The following PACS2 variants were observed in gnomAD, a reference collection of about 807,000 sequenced individuals.
PACS2 encodes PACS1-like protein.
Under a neutral mutation model 113.0 loss-of-function variants are expected in PACS2, and 36 were observed. The ratio of observed to expected loss-of-function variants is 0.32; its 90% CI spans 0.24 to 0.42. The LOEUF (loss-of-function observed/expected upper bound fraction) is 0.42, where lower values mean the gene tolerates loss of function less well. Among genes scored for constraint, PACS2 ranks in the 10% least tolerant of loss-of-function variants. PACS2 has a pLI of 1.00. For missense variants in PACS2, 1,015 were observed against 1,239.5 expected (o/e 0.82, Z 2.72); for synonymous variants, 589 against 536.1 (o/e 1.10, Z -1.36).
rs587721625 is a variant in PACS2, at chr14:105,358,376, T to G, written c.423+3199T>G. On this transcript the variant is annotated intron_variant, in intron 4 of 24. Transcript: ENST00000447393. The surrounding 1 kb of genome is among the most constrained non-coding windows in gnomAD (Gnocchi z 4.9). ...CACTTCTCAGGAAGCTTGAGCTGAC[T>G]GCAGGTGGTCCCTCTCAGAGGCAGC... Among the ~76,000 whole-genome samples, 121 of 152,342 alleles carry G rather than the reference T, an allele frequency of 7.9e-4. No individual in the cohort carries two copies. The highest frequency in any genetic ancestry group is 1.4e-3 in the Non-Finnish European group (97 of 68,022).
chr14:105,389,416 C>T (rs1423055972), intron 19 of PACS2: 1 of 161,038 alleles, frequency 6.2e-6, no homozygotes, highest in African/African-American at 2.4e-5. Context: ...CAGCCAAAGC[C>T]TGGCCTCTTA....
rs1427142363 is a variant in PACS2 at position 105,315,112 on chromosome 14, C to G, written c.119+75C>G. 3.2e-6 allele frequency: 3 copies of G among 926,736 alleles called. No homozygotes were observed. Among genetic ancestry groups the G allele is most frequent in the Non-Finnish European group, 1.3e-6 (1 of 763,944 alleles). 57.4% of individuals were successfully genotyped at this position (926,736 alleles called of 1,614,324 possible). A position where few individuals can be genotyped will look rare whatever the true frequency, so the allele number is the denominator to read the frequency against. ...GTCCTGGCCGCGGCCTCTGCGCGCC[C>G]CATCCCCGGCCCGGGTCCCCCAGCG... On this transcript the variant is annotated intron_variant, in intron 1 of 24. Transcript: ENST00000447393. The surrounding 1 kb of genome is among the most constrained non-coding windows in gnomAD (Gnocchi z 4.4).
rs189215512 is a variant in PACS2 at position 105,323,690 on chromosome 14, G to A, written c.119+8653G>A. ...GCCTCAGGGTGTGCAGGTGGAGATG[G>A]GTGGGAGGTGTCGTGCAGGGCTTGG... On this transcript the variant is annotated intron_variant, in intron 1 of 24. Transcript: ENST00000447393. The surrounding 1 kb of genome is among the most constrained non-coding windows in gnomAD (Gnocchi z 4.1). Among the ~76,000 whole-genome samples, 7 of 152,324 alleles carry A rather than the reference G, an allele frequency of 4.6e-5. No homozygotes were observed. Among genetic ancestry groups the A allele is most frequent in the Non-Finnish European group, 1.0e-4 (7 of 68,034 alleles).
chr14:105,337,350 G>T (rs1355735830), intron 1 of PACS2, among the ~76,000 whole-genome samples: 1 of 152,240 alleles, frequency 6.6e-6, no homozygotes, highest in Non-Finnish European at 1.5e-5. Context: ...GAGTTCTCGG[G>T]ATGGATGGCG....
At chr14:105,387,934 A>G (rs2081233547) in intron 19 of PACS2, among the ~76,000 whole-genome samples, 1 of 152,242 alleles carries the variant, frequency 6.6e-6, no homozygotes, top group Non-Finnish European at 1.5e-5. Context: ...GGTCTGCTCA[A>G]CAAGGATAGT....
intron 22 of PACS2, 180 bp from the exon 23 acceptor site, chr14:105,392,439 T>C: frequency 9.9e-6 from 6 of 607,102 alleles, no homozygotes; most frequent in South Asian, 2.0e-5. Context: ...GCAGGACCCT[T>C]GTGGGGGTGA....
intron 1 of PACS2, among the ~76,000 whole-genome samples, chr14:105,344,151 A>C (rs1390129519): frequency 6.6e-6 from 1 of 151,650 alleles, no homozygotes; most frequent in Non-Finnish European, 1.5e-5. Context: ...TCCTGGGCTC[A>C]AGTGATCCAC....
At chr14:105,351,807 T>C (rs782113702) in intron 2 of PACS2, among the ~76,000 whole-genome samples, 2 of 152,132 alleles carry the variant, frequency 1.3e-5, no homozygotes, top group Non-Finnish European at 2.9e-5. Flanking sequence ...ATCGAGCCAC[T>C]GCCCCACAGC....
rs1007753114 is a variant in PACS2, at chr14:105,358,875, A to C, written c.423+3698A>C. ...GCTGGATTCCCTTTAGTTTCTCTCT[A>C]TGAGTGTCTGCACAGCCACAGGCTG... On this transcript the variant is annotated intron_variant, in intron 4 of 24. Coordinates refer to ENST00000447393, the MANE Select transcript of PACS2 (RefSeq NM_001100913.3). This position sits in a 1 kb window ranked among gnomAD's most constrained non-coding sequence, Gnocchi z 4.9. Among the ~76,000 whole-genome samples, 3 of 152,154 alleles carry C rather than the reference A, an allele frequency of 2.0e-5. No homozygotes were observed. Among genetic ancestry groups the C allele is most frequent in the Non-Finnish European group, 2.9e-5 (2 of 68,020 alleles).
chr14:105,388,354 G>A (rs587679446), intron 19 of PACS2, among the ~76,000 whole-genome samples: 5 of 152,342 alleles, frequency 3.3e-5, no homozygotes, highest in South Asian at 4.1e-4. Context: ...GCTCTGGACC[G>A]GCTGCCGGGC....
chr14:105,326,575 C>T (rs758084913), intron 1 of PACS2, among the ~76,000 whole-genome samples: 2 of 152,210 alleles, frequency 1.3e-5, no homozygotes, highest in Non-Finnish European at 2.9e-5. Context: ...TGGTGGGGCC[C>T]GGGAGGGTGG....
intron 19 of PACS2, among the ~76,000 whole-genome samples, chr14:105,386,547 G>A (rs1466904683): frequency 1.3e-5 from 2 of 152,130 alleles, no homozygotes; most frequent in African/African-American, 4.8e-5. Flanking sequence ...CCTTTTCCTT[G>A]GCCAGGTGTG....
chr14:105,335,734 C>T (rs1038142833), intron 1 of PACS2, among the ~76,000 whole-genome samples: 1 of 152,238 alleles, frequency 6.6e-6, no homozygotes, highest in Non-Finnish European at 1.5e-5. Flanking sequence ...GGCACCCTGA[C>T]CTTCTGTCCT....
intron 1 of PACS2, among the ~76,000 whole-genome samples, chr14:105,331,263 C>T (rs1034849485): frequency 6.6e-6 from 1 of 152,160 alleles, no homozygotes; most frequent in Non-Finnish European, 1.5e-5. Flanking sequence ...CCTGGGTTGG[C>T]TTTTAACTGG....
intron 1 of PACS2, among the ~76,000 whole-genome samples, chr14:105,334,964 T>G (rs1471026664): frequency 6.6e-6 from 1 of 152,230 alleles, no homozygotes; most frequent in Non-Finnish European, 1.5e-5. Context: ...TGAGGCACAC[T>G]GTACACCTGC....
intron 19 of PACS2, among the ~76,000 whole-genome samples, chr14:105,385,960 G>A (rs1555413492): frequency 6.6e-6 from 1 of 152,254 alleles, no homozygotes; most frequent in South Asian, 2.1e-4. Flanking sequence ...AGTCAGGAGA[G>A]CAGCAGATGG....
chr14:105,337,724 G>A (rs587613495), intron 1 of PACS2, among the ~76,000 whole-genome samples: 2 of 152,302 alleles, frequency 1.3e-5, no homozygotes, highest in East Asian at 3.9e-4. Context: ...CCCCTGAGAT[G>A]GGAACCTCTC....
At chr14:105,314,297 TGGCGGGGTGGA>T (rs916031216), upstream of PACS2, 6 of 132,658 alleles carry the variant, frequency 4.5e-5, no homozygotes, top group Non-Finnish European at 1.7e-5. Flanking sequence ...ACTCGGGGCA[TGGCGGGGTGGA>T]GGCGGGAAAG....
In PACS2 at chr14:105,357,481, AG is replaced by A. The variant is rs1397138677; in HGVS notation, c.423+2306del. On this transcript the variant is annotated intron_variant, in intron 4 of 24. Coordinates refer to ENST00000447393, the MANE Select transcript of PACS2 (RefSeq NM_001100913.3). This position sits in a 1 kb window ranked among gnomAD's most constrained non-coding sequence, Gnocchi z 5.1. ...CGCTCTCCCCTCCAGCATCTCCTCC[AG>A]GCCCTCGGGGCATCCTTCCACCTTC... Among the ~76,000 whole-genome samples, 4 of 152,032 alleles carry A rather than the reference AG, an allele frequency of 2.6e-5. No individual in the cohort carries two copies. The highest frequency in any genetic ancestry group is 4.8e-5 in the African/African-American group (2 of 41,384).
Sources: allele counts gnomAD v4.1 joint callset (sites outside exome capture counted in the v4.1 genomes callset), GRCh38; gene constraint gnomAD v4.1.1; non-coding constraint Gnocchi (gnomAD v3.1); transcripts MANE v1.5; gene names NCBI Gene and HGNC (gene_info 2026-07-23, HGNC 2026-07-21).